The following CNBP variants were observed in gnomAD, a reference collection of about 807,000 sequenced individuals.
CNBP encodes CCHC-type zinc finger nucleic acid binding protein.
Under a neutral mutation model 21.2 loss-of-function variants are expected in CNBP, and 6 were observed. The ratio of observed to expected loss-of-function variants is 0.28; its 90% confidence interval spans 0.16 to 0.56. The LOEUF (loss-of-function observed/expected upper bound fraction) is 0.56, where lower values mean the gene tolerates loss of function less well. Among genes scored for constraint, CNBP ranks in the 20% least tolerant of loss-of-function variants. The pLI is 0.93. For missense variants in CNBP, 112 were observed against 233.1 expected (o/e 0.48, Z 3.38); for synonymous variants, 61 against 74.9 (o/e 0.81, Z 0.96).
chr3:129,178,750 T>C (rs930612656), intron 1 of CNBP, among the ~76,000 whole-genome samples: 8 of 121,236 alleles, frequency 6.6e-5, no homozygotes, highest in Non-Finnish European at 1.1e-4. Context: ...ACACTTCAGA[T>C]TTTTTTTTTT....
In CNBP at chr3:129,170,435, G is replaced by A; in HGVS notation, c.*18C>T. 9 of 1,588,456 alleles carry A rather than the reference G, an allele frequency of 5.7e-6. No homozygotes were observed. The highest frequency in any genetic ancestry group is 6.9e-6 in the Non-Finnish European group (8 of 1,156,678). On this transcript the variant is annotated 3_prime_UTR_variant, in exon 5 of 5. Coordinates refer to ENST00000422453, the MANE Select transcript of CNBP (RefSeq NM_003418.5). ...ACAACCATCAATCAGAAAAAGGAGG[G>A]GCGACAAAGGAAAATAATTAGGCTG...
At position 129,170,045 on chromosome 3, in the gene CNBP, A is replaced by T. The variant is rs2107631995; in HGVS notation, c.*408T>A. 1 of 249,310 alleles carries T rather than the reference A, an allele frequency of 4.0e-6. No homozygotes were observed. The highest frequency in any genetic ancestry group is 4.9e-5 in the Admixed American group (1 of 20,380). 15.4% of individuals were successfully genotyped at this position (249,310 alleles called of 1,614,324 possible). A position where few individuals can be genotyped will look rare whatever the true frequency, so the allele number is the denominator to read the frequency against. Reference sequence around the variant, plus strand: ...TATTTAATAGCTACTGAGGTCAGACAATCCAAGACCATCATTATACTAAAA... The same window carrying T: ...TATTTAATAGCTACTGAGGTCAGACTATCCAAGACCATCATTATACTAAAA... On this transcript the variant is annotated 3_prime_UTR_variant, in exon 5 of 5. Transcript: ENST00000422453.
At chr3:129,175,945 G>T (rs1357816145) in intron 1 of CNBP, among the ~76,000 whole-genome samples, 1 of 152,140 alleles carries the variant, frequency 6.6e-6, no homozygotes, top group Non-Finnish European at 1.5e-5. Context: ...AGTGAATCAG[G>T]TGGTCTACAG....
At chr3:129,176,434 A>G (rs1674905262) in intron 1 of CNBP, among the ~76,000 whole-genome samples, 1 of 152,220 alleles carries the variant, frequency 6.6e-6, no homozygotes. Flanking sequence ...TTGAAGGTAG[A>G]GACCAAGTAA....
rs1179633265 is a variant in CNBP, at chr3:129,183,828, G to A, written c.-67C>T. The A allele has an allele frequency of 6.5e-6, 1 of 152,866 alleles. No homozygotes were observed. The highest frequency in any genetic ancestry group is 1.5e-5 in the Non-Finnish European group (1 of 68,186). The allele number at this position is 152,866 out of a possible 1,614,324, so 9.5% of individuals were successfully genotyped here. A position where few individuals can be genotyped will look rare whatever the true frequency, so the allele number is the denominator to read the frequency against. ...GCGGAGACTCGGACGCAGGCCTGGG[G>A]AAGACGGCTCGCAAGGTAGAGGCTG... On this transcript the variant is annotated 5_prime_UTR_variant, in exon 1 of 5. Transcript: ENST00000422453.
chr3:129,183,423 C>T (rs1938453302), intron 1 of CNBP, among the ~76,000 whole-genome samples: 1 of 152,244 alleles, frequency 6.6e-6, no homozygotes, highest in African/African-American at 2.4e-5. Flanking sequence ...CACCCTCGGT[C>T]CCTCATTCCG....
intron 1 of CNBP, among the ~76,000 whole-genome samples, chr3:129,173,990 A>G (rs376100339): frequency 6.6e-6 from 1 of 152,206 alleles, no homozygotes; most frequent in South Asian, 2.1e-4. Context: ...AATTACACTG[A>G]AGTTGAGTTT....
chr3:129,171,335 G>A (rs770794666), intron 3 of CNBP, 58 bp from the exon 4 acceptor site: 26 of 1,606,258 alleles, frequency 1.6e-5, no homozygotes, highest in South Asian at 4.4e-5. Flanking sequence ...AAAGTGTTAC[G>A]TTTTAAATTA....
At position 129,168,608 on chromosome 3, in the gene CNBP, A is replaced by T. The variant is rs1179901711; in HGVS notation, c.*1845T>A. Among the ~76,000 whole-genome samples the T allele has an allele frequency of 7.9e-6, 1 of 126,152 alleles. No individual in the cohort carries two copies. The highest frequency in any genetic ancestry group is 1.6e-5 in the Non-Finnish European group (1 of 63,504). 82.8% of individuals were successfully genotyped at this position (126,152 alleles called of 152,430 possible). On this transcript the variant is annotated 3_prime_UTR_variant, in exon 5 of 5. Coordinates refer to ENST00000422453, the MANE Select transcript of CNBP (RefSeq NM_003418.5). ...GGGCAACAGAGCGAGACTGTCTCAAAAAAAAAAAAAAAAAAAAAAAAGGCC... is the reference window on the plus strand; with the variant it reads ...GGGCAACAGAGCGAGACTGTCTCAATAAAAAAAAAAAAAAAAAAAAAGGCC...
chr3:129,175,912 C>A, intron 1 of CNBP, among the ~76,000 whole-genome samples: 1 of 152,198 alleles, frequency 6.6e-6, no homozygotes, highest in East Asian at 1.9e-4. Context: ...CTGCCCTCTC[C>A]TCCCTTTGGC....
chr3:129,174,659 CAAA>C (rs11322688), intron 1 of CNBP, among the ~76,000 whole-genome samples: 62 of 105,124 alleles, frequency 5.9e-4, no homozygotes, highest in East Asian at 9.5e-4. Context: ...AACTCCATCT[CAAA>C]AAAAAAAAAA....
chr3:129,179,753 A>G (rs557135495), intron 1 of CNBP, among the ~76,000 whole-genome samples: 23 of 152,212 alleles, frequency 1.5e-4, no homozygotes, highest in African/African-American at 5.1e-4. Context: ...AATCGCTTGA[A>G]CCCAGGAGGT....
Position 129,170,130 on chromosome 3 carries a change from G to C in CNBP, c.*323C>G, listed in dbSNP as rs1937541834. 3 of 309,216 alleles carry C rather than the reference G, an allele frequency of 9.7e-6. No individual in the cohort carries two copies. The highest frequency in any genetic ancestry group is 4.7e-5 in the East Asian group (1 of 21,418). 19.2% of individuals were successfully genotyped at this position (309,216 alleles called of 1,614,324 possible). A position where few individuals can be genotyped will look rare whatever the true frequency, so the allele number is the denominator to read the frequency against. The stretch of plus-strand genomic sequence containing the variant: ...AGAATTGGTTTTACCTCCTACATGG[G>C]AACATGTTCAAGGAACCCAGGACGG... On this transcript the variant is annotated 3_prime_UTR_variant, in exon 5 of 5. Transcript: ENST00000422453.
intron 1 of CNBP, among the ~76,000 whole-genome samples, chr3:129,181,219 G>A (rs1306816339): frequency 4.6e-5 from 5 of 108,698 alleles, no homozygotes; most frequent in South Asian, 3.2e-4. Context: ...CAGCCTGGCC[G>A]ACAGAGAAAG....
intron 1 of CNBP, among the ~76,000 whole-genome samples, chr3:129,172,164 G>C (rs757419898): frequency 2.0e-5 from 3 of 151,984 alleles, no homozygotes; most frequent in Non-Finnish European, 2.9e-5. Flanking sequence ...TTGAGACTCT[G>C]TCTCAAAAAA....
Position 129,169,919 on chromosome 3 carries a change from G to A in CNBP, c.*534C>T, listed in dbSNP as rs1235822728. The A allele has an allele frequency of 2.6e-5, 6 of 230,742 alleles. No individual in the cohort carries two copies. The highest frequency in any genetic ancestry group is 1.1e-4 in the African/African-American group (5 of 45,090). 14.3% of individuals were successfully genotyped at this position (230,742 alleles called of 1,614,324 possible). A position where few individuals can be genotyped will look rare whatever the true frequency, so the allele number is the denominator to read the frequency against. Reference sequence around the variant, plus strand: ...TTGTTCCTGTTTAGGCTTTTATTCCGATTTCTCTCGAACAGCCATTAACAC... The same window carrying A: ...TTGTTCCTGTTTAGGCTTTTATTCCAATTTCTCTCGAACAGCCATTAACAC... On this transcript the variant is annotated 3_prime_UTR_variant, in exon 5 of 5. Transcript: ENST00000422453.
chr3:129,172,576 A>G lies in CNBP; in HGVS notation c.-14-805T>C, dbSNP rs191895809. The stretch of plus-strand genomic sequence containing the variant: ...CAGCCTAGGGGACAAAGTGAGACAG[A>G]CAGGCAGGCAGGCAGGCAGGCAGGC... On this transcript the variant is annotated intron_variant, in intron 1 of 4. Transcript: ENST00000422453. Among the ~76,000 whole-genome samples, 65 of 116,220 alleles carry G rather than the reference A, an allele frequency of 5.6e-4. 1 individual carries two copies. The highest frequency in any genetic ancestry group is 3.8e-3 in the Middle Eastern group (1 of 266). The allele number at this position is 116,220 out of a possible 152,430, so 76.2% of individuals were successfully genotyped here. A position where few individuals can be genotyped will look rare whatever the true frequency, so the allele number is the denominator to read the frequency against.
At position 129,170,331 on chromosome 3, in the gene CNBP, G is replaced by T. The variant is rs986743882; in HGVS notation, c.*122C>A. 1 of 786,720 alleles carries T rather than the reference G, an allele frequency of 1.3e-6. No homozygotes were observed. Among genetic ancestry groups the T allele is most frequent in the Non-Finnish European group, 2.2e-6 (1 of 463,242 alleles). The allele number at this position is 786,720 out of a possible 1,614,324, so 48.7% of individuals were successfully genotyped here. A position where few individuals can be genotyped will look rare whatever the true frequency, so the allele number is the denominator to read the frequency against. Reference sequence around the variant, plus strand: ...TTCCACCCCTTTCCTCCTTTTACACGGCAAGTAAAGCTCACTGGCCTGGGA... The same window carrying T: ...TTCCACCCCTTTCCTCCTTTTACACTGCAAGTAAAGCTCACTGGCCTGGGA... On this transcript the variant is annotated 3_prime_UTR_variant, in exon 5 of 5. Coordinates refer to ENST00000422453, the MANE Select transcript of CNBP (RefSeq NM_003418.5).
chr3:129,168,047 T>G lies in CNBP; in HGVS notation c.*2406A>C, dbSNP rs1021134838. 6.6e-6 allele frequency among the ~76,000 whole-genome samples: 1 copy of G among 152,126 alleles called. No individual in the cohort carries two copies. Among genetic ancestry groups the G allele is most frequent in the Admixed American group, 6.6e-5 (1 of 15,266 alleles). On this transcript the variant is annotated 3_prime_UTR_variant, in exon 5 of 5. Transcript: ENST00000422453. ...AACACTGAATCACTATACCATGAAC[T>G]GACAGAACCCTGCATGAAGGATGAA...
Sources: allele counts gnomAD v4.1 joint callset (sites outside exome capture counted in the v4.1 genomes callset), GRCh38; gene constraint gnomAD v4.1.1; transcripts MANE v1.5; gene names NCBI Gene and HGNC (gene_info 2026-07-23, HGNC 2026-07-21).